The following POC1A variants were observed in gnomAD, a reference collection of about 807,000 sequenced individuals.
POC1A encodes the protein POC1 centriolar protein homolog A.
A neutral mutation model predicts 47.8 loss-of-function variants in POC1A; 34 were observed. That is an observed-to-expected ratio of 0.71 (90% CI 0.54 to 0.95). The LOEUF (loss-of-function observed/expected upper bound fraction) is 0.95, where lower values mean the gene tolerates loss of function less well. Among genes scored for constraint, POC1A ranks in the 40% least tolerant of loss-of-function variants. POC1A has a pLI of 0.00. For missense variants in POC1A, 466 were observed against 528.3 expected, an observed-to-expected ratio of 0.88 and a Z score of 1.16; for synonymous variants, 177 against 207.6, an observed-to-expected ratio of 0.85 and a Z score of 1.27.
At position 52,138,237 on chromosome 3, in the gene POC1A, T is replaced by C; in HGVS notation, c.745A>G (p.Ser249Gly). The C allele has an allele frequency of 6.2e-7, 1 of 1,614,164 alleles. No homozygotes were observed. Among genetic ancestry groups the C allele is most frequent in the Non-Finnish European group, 8.5e-7 (1 of 1,180,006 alleles). Residue 249 changes from serine (S) to glycine (G), a missense_variant, in exon 7 of 11, where the codon AGT (serine) becomes GGT (glycine). Coordinates refer to ENST00000296484, the MANE Select transcript of POC1A (RefSeq NM_015426.5). ...TCCAGGATCTTCAGGGTTGAGTCAC[T>C]GGAGGCTGTGATCAGGTAGTTTCCC... ...PSGNYLITASSDSTLKILDLM... is the reference protein window; with the variant it reads ...PSGNYLITASGDSTLKILDLM...
In POC1A at chr3:52,149,941, C is replaced by A. The variant is rs148790090; in HGVS notation, c.150G>T (p.Pro50=). 1.6e-5 allele frequency: 26 copies of A among 1,613,650 alleles called. No individual in the cohort carries two copies. Among genetic ancestry groups the A allele is most frequent in the Non-Finnish European group, 1.9e-5 (23 of 1,179,998 alleles). Residue 50 remains proline (P), a synonymous_variant, in exon 3 of 11, where the codon CCG becomes CCT. Transcript: ENST00000296484. ...CAGTGAAGCGGTAGGCGCGTGACTG[C>A]GGCTTCATGTGCCAGACCATGAGGC... ...DSCLMVWHMK[P]QSRAYRFTGH...
chr3:52,120,342 T>C (rs1703732989), intron 9 of POC1A, among the ~76,000 whole-genome samples: 1 of 152,160 alleles, frequency 6.6e-6, no homozygotes, highest in Non-Finnish European at 1.5e-5. Context: ...ATTAGAGAAG[T>C]CCTGAAGGTT....
chr3:52,130,144 T>C (rs557346142), intron 7 of POC1A, among the ~76,000 whole-genome samples: 1 of 152,264 alleles, frequency 6.6e-6, no homozygotes, highest in Admixed American at 6.5e-5. Context: ...CTCTCACGCG[T>C]TGCAAAATAT....
At chr3:52,148,045 G>A (rs1462670747) in intron 4 of POC1A, among the ~76,000 whole-genome samples, 7 of 152,268 alleles carry the variant, frequency 4.6e-5, no homozygotes, top group South Asian at 4.1e-4. Context: ...TGCCCCTGAC[G>A]CACAGCACAT....
At chr3:52,092,026 T>C (rs577791591) in intron 10 of POC1A, among the ~76,000 whole-genome samples, 1 of 152,234 alleles carries the variant, frequency 6.6e-6, no homozygotes, top group East Asian at 1.9e-4. Context: ...GGAGGAACAG[T>C]TGCTCCCCAC....
intron 9 of POC1A, among the ~76,000 whole-genome samples, chr3:52,099,254 G>A (rs954709005): frequency 6.6e-6 from 1 of 152,182 alleles, no homozygotes; most frequent in Non-Finnish European, 1.5e-5. Flanking sequence ...CCCAATGTCT[G>A]CACTGCAGCA....
Position 52,133,003 on chromosome 3 carries a change from G to A in POC1A, c.813+5166C>T, listed in dbSNP as rs1166410450. On this transcript the variant is annotated intron_variant, in intron 7 of 10. Coordinates refer to ENST00000296484, the MANE Select transcript of POC1A (RefSeq NM_015426.5). ...GGAGGTTGCAGTGAGCCGAGTTCACGCCACTGCACTCCAGCCTGGGCAACA... is the reference window on the plus strand; with the variant it reads ...GGAGGTTGCAGTGAGCCGAGTTCACACCACTGCACTCCAGCCTGGGCAACA... Among the ~76,000 whole-genome samples the A allele has an allele frequency of 3.3e-5, 5 of 151,556 alleles. No homozygotes were observed. In the East Asian group the frequency reaches 5.8e-4, roughly 18 times the overall value.
intron 9 of POC1A, among the ~76,000 whole-genome samples, chr3:52,112,384 A>C (rs1052102020): frequency 1.1e-4 from 17 of 152,226 alleles, no homozygotes; most frequent in African/African-American, 4.1e-4. Flanking sequence ...TCACACCTGT[A>C]ATCTCAGCAC....
chr3:52,122,704 G>A (rs1160431383), intron 8 of POC1A, among the ~76,000 whole-genome samples: 9 of 152,202 alleles, frequency 5.9e-5, no homozygotes, highest in African/African-American at 1.4e-4. Context: ...GGACTACCAC[G>A]GCGTGGCACC....
intron 9 of POC1A, among the ~76,000 whole-genome samples, chr3:52,098,974 A>C (rs1702907677): frequency 6.6e-6 from 1 of 152,206 alleles, no homozygotes; most frequent in African/African-American, 2.4e-5. Flanking sequence ...TTGGGATCTG[A>C]ACCCAAAGTG....
chr3:52,136,893 T>A (rs1011333366), intron 7 of POC1A, among the ~76,000 whole-genome samples: 7 of 152,218 alleles, frequency 4.6e-5, no homozygotes, highest in African/African-American at 1.2e-4. Context: ...AAAGAGGTGA[T>A]CACTTGATAG....
chr3:52,137,567 G>C (rs1704522451), intron 7 of POC1A, among the ~76,000 whole-genome samples: 1 of 152,082 alleles, frequency 6.6e-6, no homozygotes, highest in African/African-American at 2.4e-5. Context: ...ACCCAGGCCA[G>C]TTCCTGGGGA....
intron 6 of POC1A, among the ~76,000 whole-genome samples, chr3:52,143,594 C>A (rs77781367): frequency 1.9e-3 from 285 of 152,270 alleles, no homozygotes; most frequent in African/African-American, 6.0e-3. Flanking sequence ...TTCTCACATC[C>A]CAGATCCCTG....
chr3:52,100,926 T>G (rs1210353711), intron 9 of POC1A, among the ~76,000 whole-genome samples: 2 of 151,676 alleles, frequency 1.3e-5, no homozygotes, highest in Non-Finnish European at 2.9e-5. Flanking sequence ...CCTCTTCCCT[T>G]GAGGGAGAGG....
chr3:52,144,746 AC>A (rs1698310342), intron 6 of POC1A, among the ~76,000 whole-genome samples: 3 of 152,038 alleles, frequency 2.0e-5, no homozygotes, highest in Non-Finnish European at 4.4e-5. Flanking sequence ...TGCAGAGCCC[AC>A]TCTCCACCAT....
intron 9 of POC1A, among the ~76,000 whole-genome samples, chr3:52,109,769 T>C (rs1703317174): frequency 6.6e-6 from 1 of 152,198 alleles, no homozygotes; most frequent in South Asian, 2.1e-4. Flanking sequence ...ATAATCTCCA[T>C]GGAAACCATC....
chr3:52,109,508 C>A (rs890244874), intron 9 of POC1A, among the ~76,000 whole-genome samples: 2 of 151,432 alleles, frequency 1.3e-5, no homozygotes, highest in Admixed American at 6.6e-5. Context: ...AAAAAAAAAA[C>A]CTTCCTGGTG....
At chr3:52,105,901 T>C (rs1046468661) in intron 9 of POC1A, among the ~76,000 whole-genome samples, 1 of 152,154 alleles carries the variant, frequency 6.6e-6, no homozygotes, top group Non-Finnish European at 1.5e-5. Flanking sequence ...CTAGGTCATT[T>C]TTGAAAGTTC....
intron 10 of POC1A, among the ~76,000 whole-genome samples, chr3:52,086,786 C>T (rs907223031): frequency 4.6e-5 from 7 of 152,244 alleles, no homozygotes; most frequent in Admixed American, 6.5e-5. Flanking sequence ...CGATGCCCCT[C>T]GAGCAGCCTG....
Sources: gnomAD v4.1 joint callset for allele counts (sites outside exome capture counted in the v4.1 genomes callset) on GRCh38, gnomAD v4.1.1 for gene constraint, MANE v1.5 for transcripts, NCBI Gene and HGNC (gene_info 2026-07-23, HGNC 2026-07-21) for gene names.